Variants in OLFM3 observed in about 807,000 individuals in gnomAD.
The protein encoded by OLFM3 is noelin-3.
A neutral mutation model predicts 48.6 loss-of-function variants in OLFM3; 20 were observed. The observed-to-expected ratio is 0.41, with a 90% CI of 0.29 to 0.60. The LOEUF (loss-of-function observed/expected upper bound fraction) is 0.60, where lower values mean the gene tolerates loss of function less well. Ranked by LOEUF, OLFM3 falls within the 20% of genes least tolerant of loss-of-function variation. The probability of loss-of-function intolerance (pLI) is 0.28; values close to 1 mark genes in which losing one functional copy is unlikely to be tolerated. For synonymous variants in OLFM3, 222 were observed against 198.1 expected (o/e 1.12, Z -1.01); for missense variants, 437 against 544.3 (o/e 0.80, Z 1.96).
chr1:101,944,598 C>T (rs571507567), intron 1 of OLFM3, among the ~76,000 whole-genome samples: 33 of 152,088 alleles, frequency 2.2e-4, no homozygotes, highest in African/African-American at 5.1e-4. Flanking sequence ...AGTACCTGGA[C>T]GCCAGGTGCA....
At chr1:101,848,929 G>A (rs1211903831) in intron 1 of OLFM3, among the ~76,000 whole-genome samples, 3 of 152,072 alleles carry the variant, frequency 2.0e-5, no homozygotes, top group African/African-American at 7.2e-5. Context: ...ATTTTTAGAA[G>A]AATATAAGAT....
intron 1 of OLFM3, among the ~76,000 whole-genome samples, chr1:101,848,833 A>G (rs1381445103): frequency 6.6e-6 from 1 of 152,186 alleles, no homozygotes; most frequent in Non-Finnish European, 1.5e-5. Context: ...AAGAAAATAT[A>G]CATATAATTA....
intron 4 of OLFM3, among the ~76,000 whole-genome samples, chr1:101,819,548 G>GT (rs1192613408): frequency 1.3e-5 from 2 of 152,028 alleles, no homozygotes; most frequent in African/African-American, 4.8e-5. Flanking sequence ...AGAAGAGCTG[G>GT]TTTTGAGAAA....
chr1:101,959,080 T>C (rs986814207), intron 1 of OLFM3, among the ~76,000 whole-genome samples: 2 of 144,760 alleles, frequency 1.4e-5, no homozygotes, highest in Non-Finnish European at 3.0e-5. Context: ...CCCCTGGTGT[T>C]AGAAAACAAT....
chr1:101,885,191 C>T (rs12117918), intron 1 of OLFM3, among the ~76,000 whole-genome samples: 41,790 of 151,656 alleles, frequency 0.28, 5,953 homozygotes, highest in East Asian at 0.34. Context: ...AAAAAGGTGG[C>T]GAATAAAGGG....
chr1:101,920,770 C>A (rs1659071206), intron 1 of OLFM3, among the ~76,000 whole-genome samples: 1 of 152,180 alleles, frequency 6.6e-6, no homozygotes, highest in African/African-American at 2.4e-5. Context: ...CTTTAGTAAA[C>A]AATAGAGACC....
chr1:101,863,307 A>G (rs1361883959), intron 1 of OLFM3, among the ~76,000 whole-genome samples: 1 of 152,224 alleles, frequency 6.6e-6, no homozygotes, highest in South Asian at 2.1e-4. Flanking sequence ...ATTTCCAATC[A>G]TGAATAAGTC....
intron 4 of OLFM3, among the ~76,000 whole-genome samples, chr1:101,809,336 A>G (rs1653936137): frequency 6.6e-6 from 1 of 151,916 alleles, no homozygotes; most frequent in Non-Finnish European, 1.5e-5. Context: ...GAGAAAGAAT[A>G]TGAGCTTGTC....
intron 1 of OLFM3, among the ~76,000 whole-genome samples, chr1:101,945,926 G>T (rs1659951452): frequency 6.6e-6 from 1 of 152,122 alleles, no homozygotes; most frequent in Non-Finnish European, 1.5e-5. Context: ...TGAGGTGAAT[G>T]TATTTCCTGT....
intron 4 of OLFM3, among the ~76,000 whole-genome samples, chr1:101,808,729 C>CCTAT (rs1653903160): frequency 6.6e-6 from 1 of 151,860 alleles, no homozygotes; most frequent in Admixed American, 6.6e-5. Flanking sequence ...ACTGCCAAGC[C>CCTAT]CTATCTTAAT....
chr1:101,879,999 T>C (rs987003634), intron 1 of OLFM3, among the ~76,000 whole-genome samples: 7 of 151,938 alleles, frequency 4.6e-5, no homozygotes, highest in Admixed American at 4.6e-4. Context: ...TTCAGGCCTT[T>C]TACTATTAGA....
At chr1:101,949,144 A>G (rs1367318160) in intron 1 of OLFM3, among the ~76,000 whole-genome samples, 3 of 152,064 alleles carry the variant, frequency 2.0e-5, no homozygotes, top group Non-Finnish European at 2.9e-5. Flanking sequence ...TTTACAATAA[A>G]TATCCAGAAC....
chr1:101,843,812 A>G (rs1266645491), intron 1 of OLFM3, among the ~76,000 whole-genome samples: 1 of 152,146 alleles, frequency 6.6e-6, no homozygotes, highest in Non-Finnish European at 1.5e-5. Flanking sequence ...CTAAAAAAGG[A>G]CTATGATCAT....
chr1:101,834,651 T>G (rs1437271676), intron 2 of OLFM3, among the ~76,000 whole-genome samples: 1 of 152,232 alleles, frequency 6.6e-6, no homozygotes, highest in African/African-American at 2.4e-5. Flanking sequence ...ACGATTCCTC[T>G]GTTGCTCTAA....
intron 2 of OLFM3, among the ~76,000 whole-genome samples, chr1:101,835,173 A>T (rs1009003045): frequency 6.6e-6 from 1 of 152,222 alleles, no homozygotes; most frequent in Non-Finnish European, 1.5e-5. Context: ...AAGAACATTG[A>T]TTATCTGAAG....
At chr1:101,864,984 C>A (rs1253026096) in intron 1 of OLFM3, among the ~76,000 whole-genome samples, 2 of 152,160 alleles carry the variant, frequency 1.3e-5, no homozygotes, top group East Asian at 3.8e-4. Flanking sequence ...CTAGCCCATT[C>A]CATTTGGTTT....
At chr1:101,993,437 C>T (rs1404775559) in intron 1 of OLFM3, among the ~76,000 whole-genome samples, 2 of 152,036 alleles carry the variant, frequency 1.3e-5, no homozygotes, top group Admixed American at 1.3e-4. Flanking sequence ...AGTTCTTTCC[C>T]TATAAAATTG....
At chr1:101,831,359 A>G (rs1397092925) in intron 2 of OLFM3, among the ~76,000 whole-genome samples, 1 of 151,976 alleles carries the variant, frequency 6.6e-6, no homozygotes. Flanking sequence ...GTACTAGAAC[A>G]CTCCCTAAAT....
At chr1:101,903,623 T>C (rs1658458664) in intron 1 of OLFM3, among the ~76,000 whole-genome samples, 1 of 152,130 alleles carries the variant, frequency 6.6e-6, no homozygotes, top group Non-Finnish European at 1.5e-5. Flanking sequence ...ACTTTGTTTA[T>C]GATTAGTGAC....
Sources: gnomAD v4.1 joint callset for allele counts (sites outside exome capture counted in the v4.1 genomes callset) on GRCh38, gnomAD v4.1.1 for gene constraint, MANE v1.5 for transcripts, NCBI Gene and HGNC (gene_info 2026-07-23, HGNC 2026-07-21) for gene names.